Variants in RNFT2 observed in about 807,000 individuals in gnomAD.
The protein encoded by RNFT2 is ring finger protein, transmembrane 2.
A neutral mutation model predicts 53.0 loss-of-function variants in RNFT2; 36 were observed. The ratio of observed to expected loss-of-function variants is 0.68; its 90% CI spans 0.52 to 0.90. RNFT2 has a LOEUF of 0.90. Among genes scored for constraint, RNFT2 ranks in the 40% least tolerant of loss-of-function variants. The pLI is 0.00. For synonymous variants in RNFT2, 260 were observed against 253.2 expected (o/e 1.03, Z -0.26); for missense variants, 514 against 585.6 (o/e 0.88, Z 1.26).
intron 10 of RNFT2, among the ~76,000 whole-genome samples, chr12:116,841,296 T>G (rs538456281): frequency 6.6e-6 from 1 of 151,764 alleles, no homozygotes; most frequent in African/African-American, 2.4e-5. Flanking sequence ...CTACAAAAAA[T>G]ACAAAAATTA....
intron 7 of RNFT2, among the ~76,000 whole-genome samples, chr12:116,812,530 C>T (rs1482475017): frequency 1.3e-5 from 2 of 151,418 alleles, no homozygotes; most frequent in Non-Finnish European, 2.9e-5. Flanking sequence ...AGGCCTGTTC[C>T]TATCTTTTTT....
At chr12:116,778,674 A>G (rs1380706164) in intron 6 of RNFT2, among the ~76,000 whole-genome samples, 1 of 152,220 alleles carries the variant, frequency 6.6e-6, no homozygotes, top group African/African-American at 2.4e-5. Context: ...ACATGGCGAA[A>G]CCCTGTCTCT....
chr12:116,790,549 T>A (rs1874186253), intron 7 of RNFT2, among the ~76,000 whole-genome samples: 1 of 152,208 alleles, frequency 6.6e-6, no homozygotes, highest in African/African-American at 2.4e-5. Context: ...GGGCCAGCCT[T>A]TCACATGGGC....
At chr12:116,803,632 G>A (rs1874909796) in intron 7 of RNFT2, among the ~76,000 whole-genome samples, 1 of 152,218 alleles carries the variant, frequency 6.6e-6, no homozygotes, top group South Asian at 2.1e-4. Context: ...AGAGTCCAGT[G>A]GAGGTTGGCC....
chr12:116,852,386 G>T lies in RNFT2; in HGVS notation c.*2938G>T. 2 of 783,386 alleles carry T rather than the reference G, an allele frequency of 2.6e-6. No homozygotes were observed. Among genetic ancestry groups the T allele is most frequent in the Non-Finnish European group, 3.5e-6 (2 of 566,288 alleles). The allele number at this position is 783,386 out of a possible 1,614,324, so 48.5% of individuals were successfully genotyped here. A position where few individuals can be genotyped will look rare whatever the true frequency, so the allele number is the denominator to read the frequency against. On this transcript the variant is annotated 3_prime_UTR_variant, in exon 11 of 11. Coordinates refer to ENST00000257575, the MANE Select transcript of RNFT2 (RefSeq NM_001382266.1). ...GCCACCAAACCAGGACTTTCCCCTTGGCTTGGCATCCCTGGCTCTCTCCTG... is the reference window on the plus strand; with the variant it reads ...GCCACCAAACCAGGACTTTCCCCTTTGCTTGGCATCCCTGGCTCTCTCCTG...
intron 5 of RNFT2, among the ~76,000 whole-genome samples, chr12:116,754,350 T>C (rs1443809494): frequency 6.6e-6 from 1 of 152,210 alleles, no homozygotes; most frequent in African/African-American, 2.4e-5. Context: ...TGTATATACA[T>C]ATATATACAC....
At chr12:116,802,999 G>T (rs1387384834) in intron 7 of RNFT2, among the ~76,000 whole-genome samples, 1 of 152,168 alleles carries the variant, frequency 6.6e-6, no homozygotes, top group Non-Finnish European at 1.5e-5. Flanking sequence ...GGAGGCTGAG[G>T]TGGGAGAATC....
At chr12:116,820,534 C>G (rs904877707) in intron 7 of RNFT2, among the ~76,000 whole-genome samples, 1 of 152,206 alleles carries the variant, frequency 6.6e-6, no homozygotes, top group Non-Finnish European at 1.5e-5. Context: ...CCTCACTTCC[C>G]CCACCAGGGG....
intron 7 of RNFT2, among the ~76,000 whole-genome samples, chr12:116,803,786 G>A (rs1032180669): frequency 6.6e-6 from 1 of 152,188 alleles, no homozygotes; most frequent in Non-Finnish European, 1.5e-5. Context: ...AGTAGCAGGG[G>A]GATGAGACCT....
chr12:116,773,104 G>A (rs1873274378), intron 6 of RNFT2, among the ~76,000 whole-genome samples: 2 of 152,190 alleles, frequency 1.3e-5, no homozygotes, highest in African/African-American at 2.4e-5. Context: ...TGGGATTACA[G>A]GTATGAGCCA....
intron 10 of RNFT2, among the ~76,000 whole-genome samples, chr12:116,842,568 ATTTGTTTG>A (rs138521237): frequency 1.5e-4 from 22 of 150,926 alleles, no homozygotes; most frequent in Non-Finnish European, 2.5e-4. Flanking sequence ...TTATTTATTT[ATTTGTTTG>A]TTTGTTTGTT....
chr12:116,749,151 G>C (rs1872047402), intron 3 of RNFT2, among the ~76,000 whole-genome samples: 1 of 152,130 alleles, frequency 6.6e-6, no homozygotes, highest in African/African-American at 2.4e-5. Context: ...AGGCTGGAAG[G>C]CTGAGATCAG....
At position 116,849,657 on chromosome 12, in the gene RNFT2, C is replaced by A; in HGVS notation, c.*209C>A. 7.8e-7 allele frequency: 1 copy of A among 1,277,944 alleles called. No individual in the cohort carries two copies. The highest frequency in any genetic ancestry group is 2.9e-5 in the East Asian group (1 of 35,030). The allele number at this position is 1,277,944 out of a possible 1,614,324, so 79.2% of individuals were successfully genotyped here. ...GTGGTATAGTGCGTGCCTCCTTCCC[C>A]TGCAAAAGGGGACGTCTTCCTAACT... is the stretch of plus-strand genomic sequence containing the variant. On this transcript the variant is annotated 3_prime_UTR_variant, in exon 11 of 11. Coordinates refer to ENST00000257575, the MANE Select transcript of RNFT2 (RefSeq NM_001382266.1).
intron 7 of RNFT2, among the ~76,000 whole-genome samples, chr12:116,832,138 A>T (rs1876688944): frequency 1.5e-4 from 9 of 60,082 alleles, no homozygotes; most frequent in Admixed American, 9.3e-4. Flanking sequence ...CTCAAAAAAA[A>T]AAAAAAAAAA....
In RNFT2 at chr12:116,853,014, GGTTTA is replaced by G. The variant is rs1565879390; in HGVS notation, c.*3573_*3577del. ...GGGGACACACAGGGGCAGATGGGAT[GGTTTA>G]GTTTAGGATTTTATTAGTGCATGCC... is the stretch of plus-strand genomic sequence containing the variant. On this transcript the variant is annotated 3_prime_UTR_variant, in exon 11 of 11. Coordinates refer to ENST00000257575, the MANE Select transcript of RNFT2 (RefSeq NM_001382266.1). 6.4e-6 allele frequency: 3 copies of G among 471,186 alleles called. No homozygotes were observed. The East Asian group carries it at 9.6e-5, about 15-fold the overall frequency. 29.2% of individuals were successfully genotyped at this position (471,186 alleles called of 1,614,324 possible).
At chr12:116,835,286 C>T (rs1046403040) in intron 8 of RNFT2, among the ~76,000 whole-genome samples, 5 of 81,206 alleles carry the variant, frequency 6.2e-5, no homozygotes, top group African/African-American at 1.2e-4. Context: ...AAGCCATAAG[C>T]TCCCAACCAC....
chr12:116,750,829 A>AT (rs796726163), intron 4 of RNFT2, among the ~76,000 whole-genome samples: 64 of 2,978 alleles, frequency 0.021, 2 homozygotes, highest in African/African-American at 0.054. Context: ...TTATATATAT[A>AT]ATATATATAT....
chr12:116,776,029 C>T (rs1038561660), intron 6 of RNFT2, among the ~76,000 whole-genome samples: 17 of 150,772 alleles, frequency 1.1e-4, no homozygotes, highest in African/African-American at 4.1e-4. Flanking sequence ...GGCAACAGAG[C>T]GAGACTCTCA....
chr12:116,755,914 G>A, intron 5 of RNFT2: 11 of 1,157,604 alleles, frequency 9.5e-6, no homozygotes, highest in South Asian at 8.6e-5. Flanking sequence ...CGGCTGAAAG[G>A]AAAAGATATG....
Sources: gnomAD v4.1 joint callset for allele counts (sites outside exome capture counted in the v4.1 genomes callset) on GRCh38, gnomAD v4.1.1 for gene constraint, MANE v1.5 for transcripts, NCBI Gene and HGNC (gene_info 2026-07-23, HGNC 2026-07-21) for gene names.